SPAG16: variants seen among roughly 807,000 people sequenced by gnomAD.
SPAG16 encodes sperm associated antigen 16, also known as sperm-associated antigen 16 protein.
A neutral mutation model predicts 80.4 loss-of-function variants in SPAG16; 86 were observed. That is an observed-to-expected ratio of 1.07 (90% confidence interval 0.90 to 1.28). SPAG16 has a LOEUF of 1.28. Among genes scored for constraint, SPAG16 ranks in the 50% most tolerant of loss-of-function variants. The pLI, the probability that SPAG16 is intolerant of heterozygous loss-of-function variation, is 0.00. For synonymous variants in SPAG16, 294 were observed against 265.9 expected (o/e 1.11, Z -1.03); for missense variants, 870 against 765.3 (o/e 1.14, Z -1.61).
intron 10 of SPAG16, among the ~76,000 whole-genome samples, chr2:213,680,542 T>C (rs1362287707): frequency 6.6e-6 from 1 of 152,206 alleles, no homozygotes; most frequent in African/African-American, 2.4e-5. Flanking sequence ...CTGTATTCTA[T>C]GTTCTCCAAG....
At chr2:213,306,236 T>G (rs1462564517) in intron 3 of SPAG16, among the ~76,000 whole-genome samples, 2 of 151,174 alleles carry the variant, frequency 1.3e-5, no homozygotes, top group Non-Finnish European at 2.9e-5. Context: ...AAAAAAATTT[T>G]TTTTTGGCTA....
rs559218023 is a variant in SPAG16 at position 214,019,255 on chromosome 2, C to T, written c.1527+5178C>T. Among the ~76,000 whole-genome samples, 69 of 149,498 alleles carry T rather than the reference C, an allele frequency of 4.6e-4. 1 individual carries two copies. Among genetic ancestry groups the T allele is most frequent in the Non-Finnish European group, 8.6e-4 (58 of 67,668 alleles). ...ATGCAATGAGATTGTTAGTCATCCA[C>T]AAACCCAGTGAAAATATTAAGGCTT... On this transcript the variant is annotated intron_variant, in intron 13 of 15. Coordinates refer to ENST00000331683, the MANE Select transcript of SPAG16 (RefSeq NM_024532.5).
At chr2:213,337,665 G>A (rs1347767342) in intron 5 of SPAG16, among the ~76,000 whole-genome samples, 1 of 151,748 alleles carries the variant, frequency 6.6e-6, no homozygotes. Flanking sequence ...AGGCAGACAA[G>A]AGGAGAGAAA....
chr2:213,836,449 T>A (rs1476822996), intron 10 of SPAG16, among the ~76,000 whole-genome samples: 1 of 152,182 alleles, frequency 6.6e-6, no homozygotes, highest in African/African-American at 2.4e-5. Context: ...GCTGTTATTA[T>A]TTTGCATTTG....
chr2:213,532,181 A>G (rs902603009), intron 10 of SPAG16, among the ~76,000 whole-genome samples: 3 of 152,234 alleles, frequency 2.0e-5, no homozygotes, highest in African/African-American at 7.2e-5. Context: ...CTTATAAATT[A>G]TTATAATGTC....
Position 213,748,366 on chromosome 2 carries a change from A to T in SPAG16, c.1071-114119A>T, listed in dbSNP as rs867215998. On this transcript the variant is annotated intron_variant, in intron 10 of 15. Transcript: ENST00000331683. Reference sequence around the variant, plus strand: ...TTCATATTCTTTCAGATAAAACACAAATAGGAGTATATACATGTCTTTAAA... The same window carrying T: ...TTCATATTCTTTCAGATAAAACACATATAGGAGTATATACATGTCTTTAAA... 6.6e-5 allele frequency among the ~76,000 whole-genome samples: 10 copies of T among 152,140 alleles called. No homozygotes were observed. The South Asian group carries it at 8.3e-4, about 13-fold the overall frequency.
At chr2:214,087,020 C>T (rs1306574707) in intron 13 of SPAG16, among the ~76,000 whole-genome samples, 2 of 145,824 alleles carry the variant, frequency 1.4e-5, no homozygotes, top group South Asian at 4.3e-4. Context: ...GCAGTGTTTA[C>T]ACTTTCTTGT....
chr2:213,687,060 G>A (rs2064715960), intron 10 of SPAG16, among the ~76,000 whole-genome samples: 1 of 151,750 alleles, frequency 6.6e-6, no homozygotes, highest in African/African-American at 2.4e-5. Context: ...GCTTTCTTTA[G>A]GATTATTTTT....
At chr2:213,688,079 A>T (rs1442953291) in intron 10 of SPAG16, among the ~76,000 whole-genome samples, 2 of 152,210 alleles carry the variant, frequency 1.3e-5, no homozygotes, top group Non-Finnish European at 2.9e-5. Flanking sequence ...GGTTTGGTCC[A>T]GAAAGGTGGG....
chr2:214,183,045 T>C (rs1335733567), intron 15 of SPAG16, among the ~76,000 whole-genome samples: 1 of 152,012 alleles, frequency 6.6e-6, no homozygotes, highest in Non-Finnish European at 1.5e-5. Context: ...GTTATTTTCC[T>C]AATACAGTAA....
At chr2:214,341,276 T>A (rs1433197695) in intron 15 of SPAG16, among the ~76,000 whole-genome samples, 1 of 151,914 alleles carries the variant, frequency 6.6e-6, no homozygotes, top group East Asian at 1.9e-4. Flanking sequence ...AAGGATCAAC[T>A]CAAGAGGTTT....
At chr2:214,346,340 A>C (rs79342512) in intron 15 of SPAG16, among the ~76,000 whole-genome samples, 3,176 of 152,314 alleles carry the variant, frequency 0.021, 60 homozygotes, top group South Asian at 0.047. Flanking sequence ...AATGTGGCTG[A>C]GAACTTTTTC....
chr2:214,223,763 C>G (rs1011719561), intron 15 of SPAG16, among the ~76,000 whole-genome samples: 1 of 152,012 alleles, frequency 6.6e-6, no homozygotes, highest in East Asian at 1.9e-4. Context: ...AGAGATGATT[C>G]CTGCCTTTAA....
intron 10 of SPAG16, among the ~76,000 whole-genome samples, chr2:213,605,666 T>C (rs1574468536): frequency 6.6e-6 from 1 of 151,998 alleles, no homozygotes; most frequent in African/African-American, 2.4e-5. Context: ...ATTTTTTATG[T>C]TTTTAGCAGA....
chr2:214,410,135 CTCAGG>C lies in SPAG16; in HGVS notation c.1721-2_1723del. 6.2e-7 allele frequency: 1 copy of C among 1,613,600 alleles called. No homozygotes were observed. Among genetic ancestry groups the C allele is most frequent in the Non-Finnish European group, 8.5e-7 (1 of 1,179,534 alleles). On this transcript the variant is annotated splice_acceptor_variant and splice_polypyrimidine_tract_variant and coding_sequence_variant and intron_variant, in exon 16 of 16. Transcript: ENST00000331683. LOFTEE classifies it high-confidence loss of function. ...CTCTCTCTCTCTCCTCTCTGTCTCC[CTCAGG>C]TCGAGTTTTAGCTCAGGCAAGTGGC...
chr2:214,119,696 A>T (rs1263433699), intron 14 of SPAG16, among the ~76,000 whole-genome samples: 1 of 151,898 alleles, frequency 6.6e-6, no homozygotes, highest in Admixed American at 6.6e-5. Flanking sequence ...ATGTTTTATT[A>T]TTTCTTTGCC....
At chr2:214,118,661 C>T (rs144387873) in intron 14 of SPAG16, among the ~76,000 whole-genome samples, 61 of 152,018 alleles carry the variant, frequency 4.0e-4, no homozygotes, top group Non-Finnish European at 8.1e-4. Flanking sequence ...TGAGGGTAAC[C>T]GCCCCCATGA....
chr2:214,403,076 T>A (rs1388320727), intron 15 of SPAG16, among the ~76,000 whole-genome samples: 1 of 150,322 alleles, frequency 6.7e-6, no homozygotes, highest in Non-Finnish European at 1.5e-5. Flanking sequence ...TCTGGGCATA[T>A]CATAAAAGAT....
intron 15 of SPAG16, among the ~76,000 whole-genome samples, chr2:214,218,496 G>A (rs989515200): frequency 2.2e-4 from 33 of 152,182 alleles, no homozygotes; most frequent in African/African-American, 6.7e-4. Flanking sequence ...TTGCCCTGCC[G>A]TAACCCATTC....
Sources: gnomAD v4.1 joint callset for allele counts (sites outside exome capture counted in the v4.1 genomes callset) on GRCh38, gnomAD v4.1.1 for gene constraint, MANE v1.5 for transcripts, NCBI Gene and HGNC (gene_info 2026-07-23, HGNC 2026-07-21) for gene names.